The following GRM7 variants were observed in gnomAD, a reference collection of about 807,000 sequenced individuals.
GRM7 encodes glutamate metabotropic receptor 7, also known as metabotropic glutamate receptor 7.
In GRM7, 35 loss-of-function variants were observed where a neutral mutation model predicts 84.5. That is an observed-to-expected ratio of 0.41 (90% confidence interval 0.32 to 0.55). GRM7 has a LOEUF of 0.55. Among genes scored for constraint, GRM7 ranks in the 20% least tolerant of loss-of-function variants. The probability of loss-of-function intolerance (pLI) is 0.19; values close to 1 mark genes in which losing one functional copy is unlikely to be tolerated. For synonymous variants in GRM7, 487 were observed against 455.1 expected, an observed-to-expected ratio of 1.07 and a Z score of -0.89; for missense variants, 1,003 against 1,194.6, an observed-to-expected ratio of 0.84 and a Z score of 2.36.
chr3:7,093,570 G>A (rs923803833), intron 1 of GRM7, among the ~76,000 whole-genome samples: 18 of 150,314 alleles, frequency 1.2e-4, no homozygotes, highest in Admixed American at 2.7e-4. Flanking sequence ...CCACCTACTC[G>A]GGGGGCTGAG....
intron 1 of GRM7, among the ~76,000 whole-genome samples, chr3:6,865,443 T>A (rs1464346603): frequency 6.6e-6 from 1 of 152,130 alleles, no homozygotes; most frequent in Non-Finnish European, 1.5e-5. Flanking sequence ...TCCCAGAGTA[T>A]AAATTACCCT....
intron 1 of GRM7, among the ~76,000 whole-genome samples, chr3:7,128,487 T>C (rs1693477151): frequency 7.3e-6 from 1 of 136,862 alleles, no homozygotes; most frequent in Non-Finnish European, 1.5e-5. Context: ...AACAGAAAAA[T>C]TTTAAAAATC....
intron 2 of GRM7, among the ~76,000 whole-genome samples, chr3:7,229,741 ATATATATATATATATATATTTTTTT>A (rs1697109847): frequency 7.9e-5 from 3 of 38,080 alleles, no homozygotes; most frequent in African/African-American, 2.8e-4. Context: ...ATATATATAT[ATATATATATATATATATATTTTTTT>A]TTTTTTTTGG....
In GRM7 at chr3:7,486,123, T is replaced by C. The variant is rs114390790; in HGVS notation, c.1515+24401T>C. Among the ~76,000 whole-genome samples, 4,472 of 152,286 alleles carry C rather than the reference T, an allele frequency of 0.029. 222 individuals carry two copies. Among genetic ancestry groups the C allele is most frequent in the African/African-American group, 0.098 (4,065 of 41,546 alleles). On this transcript the variant is annotated intron_variant, in intron 7 of 9. Transcript: ENST00000357716. This position sits in a 1 kb window ranked among gnomAD's most constrained non-coding sequence, Gnocchi z 5.5. ...ATAAAATATGGATTTTAAATACTGC[T>C]TCTTGAACTGACTCTGATCTTAGAA... is the stretch of plus-strand genomic sequence containing the variant.
intron 7 of GRM7, among the ~76,000 whole-genome samples, chr3:7,476,285 C>T (rs55787590): frequency 0.35 from 53,759 of 152,062 alleles, 9,908 homozygotes; most frequent in African/African-American, 0.45. Flanking sequence ...CCGTGGCTCA[C>T]GCCTGTAATC....
chr3:7,645,613 C>T (rs1481948034), intron 8 of GRM7, among the ~76,000 whole-genome samples: 3 of 149,352 alleles, frequency 2.0e-5, no homozygotes, highest in African/African-American at 7.4e-5. Context: ...CTAAACCCAC[C>T]AAACCTAATT....
At chr3:7,317,418 G>A (rs10084689) in intron 4 of GRM7, among the ~76,000 whole-genome samples, 43,370 of 152,006 alleles carry the variant, frequency 0.29, 10,296 homozygotes, top group African/African-American at 0.65. Flanking sequence ...ATACCAAGTT[G>A]ATTTTGCATA....
At chr3:6,895,308 G>T (rs62235371) in intron 1 of GRM7, among the ~76,000 whole-genome samples, 2,502 of 152,230 alleles carry the variant, frequency 0.016, 33 homozygotes, top group Non-Finnish European at 0.023. Flanking sequence ...AATCTGAGGG[G>T]TGAAATTAAG....
intron 7 of GRM7, among the ~76,000 whole-genome samples, chr3:7,514,270 T>G (rs758233363): frequency 6.6e-6 from 1 of 152,230 alleles, no homozygotes; most frequent in Non-Finnish European, 1.5e-5. Context: ...AAAGAAAAAG[T>G]TGGAGATAGA....
intron 2 of GRM7, among the ~76,000 whole-genome samples, chr3:7,152,721 A>T (rs985863604): frequency 6.6e-6 from 1 of 152,166 alleles, no homozygotes; most frequent in East Asian, 1.9e-4. Flanking sequence ...TTGGATTGTG[A>T]TGTATACATT....
intron 2 of GRM7, among the ~76,000 whole-genome samples, chr3:7,157,360 T>G (rs894994242): frequency 6.6e-6 from 1 of 152,182 alleles, no homozygotes; most frequent in African/African-American, 2.4e-5. Context: ...GGATGAAATG[T>G]GATAAAATAG....
chr3:7,275,063 C>A (rs1019800645), intron 2 of GRM7, among the ~76,000 whole-genome samples: 2 of 152,062 alleles, frequency 1.3e-5, no homozygotes. Flanking sequence ...CTTTCCTCAG[C>A]CACTTCCAGT....
At chr3:7,531,373 A>G (rs760431089) in intron 7 of GRM7, among the ~76,000 whole-genome samples, 2 of 151,976 alleles carry the variant, frequency 1.3e-5, no homozygotes, top group African/African-American at 4.8e-5. Context: ...CGGGATGGGG[A>G]TACCATTGAA....
chr3:7,649,467 A>G (rs923529295), intron 8 of GRM7, among the ~76,000 whole-genome samples: 1 of 152,204 alleles, frequency 6.6e-6, no homozygotes, highest in African/African-American at 2.4e-5. Flanking sequence ...GAAGGTTTCA[A>G]AAAATATTAA....
chr3:7,558,733 A>C (rs1044423753), intron 7 of GRM7, among the ~76,000 whole-genome samples: 4 of 152,158 alleles, frequency 2.6e-5, no homozygotes, highest in Non-Finnish European at 4.4e-5. Flanking sequence ...GAAACTAATT[A>C]TAAGGCCTTA....
At chr3:7,422,762 T>A (rs1247259125) in intron 5 of GRM7, among the ~76,000 whole-genome samples, 1 of 152,156 alleles carries the variant, frequency 6.6e-6, no homozygotes, top group Non-Finnish European at 1.5e-5. Flanking sequence ...CTTTTTTACT[T>A]CCATTGTTCT....
intron 4 of GRM7, among the ~76,000 whole-genome samples, chr3:7,391,037 T>A (rs1694972859): frequency 6.6e-6 from 1 of 151,904 alleles, no homozygotes. Flanking sequence ...GCTTCTTGAT[T>A]TTTTTTTCTT....
intron 2 of GRM7, among the ~76,000 whole-genome samples, chr3:7,258,798 G>A (rs535159079): frequency 3.9e-5 from 6 of 152,210 alleles, no homozygotes; most frequent in Admixed American, 2.6e-4. Flanking sequence ...TGAGGACATC[G>A]ATGCCACCCT....
At chr3:7,346,404 A>C (rs893509853) in intron 4 of GRM7, among the ~76,000 whole-genome samples, 1 of 152,166 alleles carries the variant, frequency 6.6e-6, no homozygotes, top group African/African-American at 2.4e-5. Context: ...TGATGGCATG[A>C]ATTTCTTCTT....
Sources: allele counts gnomAD v4.1 joint callset (sites outside exome capture counted in the v4.1 genomes callset), GRCh38; gene constraint gnomAD v4.1.1; non-coding constraint Gnocchi (gnomAD v3.1); transcripts MANE v1.5; gene names NCBI Gene and HGNC (gene_info 2026-07-23, HGNC 2026-07-21).